KALRN: variants seen among roughly 807,000 people sequenced by gnomAD.
The protein encoded by KALRN is kalirin RhoGEF kinase.
KALRN carries 70 observed loss-of-function variants against 353.7 expected under a neutral mutation model. The observed-to-expected ratio is 0.20, with a 90% CI of 0.16 to 0.24. The LOEUF (loss-of-function observed/expected upper bound fraction) is 0.24. KALRN is among the 10% of genes least tolerant of loss of function. The probability of loss-of-function intolerance (pLI) is 1.00; values close to 1 mark genes in which losing one functional copy is unlikely to be tolerated. For missense variants in KALRN, 2,791 were observed against 3,756.7 expected, an observed-to-expected ratio of 0.74 and a Z score of 6.72; for synonymous variants, 1,391 against 1,434.8, an observed-to-expected ratio of 0.97 and a Z score of 0.69.
chr3:124,197,347 C>T (rs1278135093), intron 1 of KALRN, among the ~76,000 whole-genome samples: 1 of 152,240 alleles, frequency 6.6e-6, no homozygotes, highest in Non-Finnish European at 1.5e-5. Flanking sequence ...AGCCCTCTTG[C>T]TAATCAAGCC....
intron 34 of KALRN, among the ~76,000 whole-genome samples, chr3:124,587,570 A>G (rs2075321283): frequency 6.6e-6 from 1 of 152,178 alleles, no homozygotes; most frequent in Non-Finnish European, 1.5e-5. Context: ...ATTTAGATAA[A>G]GTACCTGTGT....
Position 124,719,460 on chromosome 3 carries a change from A to G in KALRN, c.8951A>G (p.Gln2984Arg), listed in dbSNP as rs201184140. 511 of 1,612,396 alleles carry G rather than the reference A, an allele frequency of 3.2e-4. 3 individuals are homozygous for G. The highest frequency in any genetic ancestry group is 2.1e-4 in the Non-Finnish European group (246 of 1,178,962). The stretch of plus-strand genomic sequence containing the variant: ...AGCTACATTGTCAACCGGGTGAACC[A>G]AGGGACGTAGCCATCTCCCAGCCCC... Reference protein sequence around the residue: ...VKSYIVNRVNQGT With the variant: ...VKSYIVNRVNRGT Residue 2984 changes from glutamine to arginine, a missense_variant, in exon 60 of 60, where the codon CAA becomes CGA. By Grantham distance (43) the Gln-to-Arg change is conservative. This residue lies in a region of KALRN where 32 missense variants were observed against 27.4 expected (regional missense o/e 1.17). Transcript: ENST00000682506. This position sits in a 1 kb window ranked among gnomAD's most constrained non-coding sequence, Gnocchi z 5.3.
chr3:124,039,644 T>A (rs563694553), intron 1 of KALRN, among the ~76,000 whole-genome samples: 1 of 152,214 alleles, frequency 6.6e-6, no homozygotes, highest in East Asian at 1.9e-4. Context: ...GAAGGGAGAT[T>A]TGGGAATAAC....
At chr3:124,519,982 G>T in intron 33 of KALRN, 3 of 587,190 alleles carry the variant, frequency 5.1e-6, no homozygotes, top group Non-Finnish European at 6.4e-6. Flanking sequence ...ATGAGCGTGT[G>T]TCCGGCATGA....
intron 34 of KALRN, among the ~76,000 whole-genome samples, chr3:124,628,161 CTTCCTTCCT>C (rs1435138559): frequency 2.6e-4 from 12 of 46,194 alleles, no homozygotes; most frequent in African/African-American, 9.1e-4. Flanking sequence ...CCCTCCCTCC[CTTCCTTCCT>C]TCCCTCCCTC....
intron 53 of KALRN, among the ~76,000 whole-genome samples, chr3:124,695,226 A>G (rs1325734344): frequency 6.7e-6 from 1 of 149,858 alleles, no homozygotes; most frequent in Admixed American, 6.7e-5. Flanking sequence ...CTGCCTCCCA[A>G]TCATTGTGTC....
intron 1 of KALRN, among the ~76,000 whole-genome samples, chr3:124,189,960 T>C (rs1238593728): frequency 1.4e-5 from 2 of 141,430 alleles, no homozygotes; most frequent in African/African-American, 2.6e-5. Context: ...AAAAGCAACA[T>C]AGAAGCGAGA....
intron 1 of KALRN, among the ~76,000 whole-genome samples, chr3:124,171,578 A>G (rs560972250): frequency 4.6e-5 from 7 of 152,238 alleles, no homozygotes; most frequent in African/African-American, 1.4e-4. Context: ...GTCATGGGCT[A>G]GTTCAGACTG....
intron 12 of KALRN, among the ~76,000 whole-genome samples, chr3:124,397,093 A>G (rs976958093): frequency 6.6e-6 from 1 of 152,352 alleles, no homozygotes; most frequent in South Asian, 2.1e-4. Context: ...ATAGTGCTGC[A>G]TAAAATGGTC....
chr3:124,585,348 C>T (rs974827208), intron 34 of KALRN, among the ~76,000 whole-genome samples: 5 of 152,212 alleles, frequency 3.3e-5, no homozygotes, highest in Non-Finnish European at 5.9e-5. Context: ...GTGTTTGACA[C>T]CTGTCTGTAC....
intron 48 of KALRN, 146 bp from the exon 49 acceptor site, chr3:124,674,218 C>A: frequency 3.0e-6 from 2 of 674,028 alleles, no homozygotes; most frequent in Non-Finnish European, 5.0e-6. Flanking sequence ...TTATTAATAT[C>A]ATGTCATTAC....
chr3:124,632,527 C>T lies in KALRN; in HGVS notation c.5290C>T (p.Arg1764Cys), dbSNP rs757363589. The stretch of plus-strand genomic sequence containing the variant: ...CATCCACAGTTCCCCGGGTCCCAAG[C>T]GCTCCACCAACACTCTTAAGAAGTG... Reference protein sequence around the residue: ...NSIHSSPGPKRSTNTLKKWLT... With the variant: ...NSIHSSPGPKCSTNTLKKWLT... Residue 1764 changes from arginine to cysteine, a missense_variant, in exon 35 of 60, where the codon CGC (arginine) becomes TGC (cysteine). Coordinates refer to ENST00000682506, the MANE Select transcript of KALRN (RefSeq NM_001388419.1). 1.1e-5 allele frequency: 17 copies of T among 1,614,096 alleles called. No homozygotes were observed. Among genetic ancestry groups the T allele is most frequent in the East Asian group, 2.2e-5 (1 of 44,902 alleles).
intron 33 of KALRN, among the ~76,000 whole-genome samples, chr3:124,556,766 C>T (rs754005470): frequency 2.6e-5 from 4 of 152,182 alleles, no homozygotes; most frequent in Non-Finnish European, 5.9e-5. Context: ...GTGAGAAACA[C>T]TGGGCAATAC....
chr3:124,613,239 A>G (rs528508287), intron 34 of KALRN, among the ~76,000 whole-genome samples: 1 of 152,218 alleles, frequency 6.6e-6, no homozygotes, highest in East Asian at 1.9e-4. Context: ...GCAGATTTAC[A>G]CTTCCCAGTT....
At chr3:124,395,518 T>C (rs2090049217) in intron 12 of KALRN, 175 bp downstream of exon 12, 6 of 560,732 alleles carry the variant, frequency 1.1e-5, no homozygotes, top group Non-Finnish European at 6.3e-6. Context: ...TAGAATAAAA[T>C]AGTAAATGGA....
chr3:124,457,136 C>G (rs960696778), intron 23 of KALRN, among the ~76,000 whole-genome samples: 5 of 152,068 alleles, frequency 3.3e-5, no homozygotes, highest in Admixed American at 3.3e-4. Context: ...GTGGCATGAT[C>G]TCAGCTCACT....
intron 1 of KALRN, among the ~76,000 whole-genome samples, chr3:124,211,383 AC>A (rs2076883156): frequency 6.6e-6 from 1 of 152,244 alleles, no homozygotes; most frequent in South Asian, 2.1e-4. Flanking sequence ...AAGAAAAATG[AC>A]TCAAAATTGA....
At chr3:124,340,282 G>A (rs2081557750) in intron 9 of KALRN, among the ~76,000 whole-genome samples, 1 of 152,208 alleles carries the variant, frequency 6.6e-6, no homozygotes, top group Non-Finnish European at 1.5e-5. Flanking sequence ...AGCACTTTGG[G>A]AGGCTGAGGT....
At position 124,667,127 on chromosome 3, in the gene KALRN, A is replaced by G. The variant is rs755333342; in HGVS notation, c.6647A>G (p.Gln2216Arg). 2 of 1,614,224 alleles carry G rather than the reference A, an allele frequency of 1.2e-6. No individual in the cohort carries two copies. The highest frequency in any genetic ancestry group is 2.2e-5 in the South Asian group (2 of 91,082). ...CAAGCCGCCAACGCTGACATCCAGCAGGCCTGGGTGCAGGACATCAATCAA... is the reference window on the plus strand; with the variant it reads ...CAAGCCGCCAACGCTGACATCCAGCGGGCCTGGGTGCAGGACATCAATCAA... ...VLQAANADIQ[Q>R]AWVQDINQVL... Residue 2216 changes from glutamine to arginine, a missense_variant, in exon 47 of 60, where the codon CAG (glutamine) becomes CGG (arginine). Gln to Arg is a conservative substitution (Grantham distance 43). Transcript: ENST00000682506.
Sources: gnomAD v4.1 joint callset for allele counts (sites outside exome capture counted in the v4.1 genomes callset) on GRCh38, gnomAD v4.1.1 for gene constraint, gnomAD v4.1.1 regional missense constraint, Gnocchi (gnomAD v3.1) non-coding constraint, MANE v1.5 for transcripts, NCBI Gene and HGNC (gene_info 2026-07-23, HGNC 2026-07-21) for gene names.